BAHD1: variants seen among roughly 807,000 people sequenced by gnomAD.
BAHD1 encodes the protein bromo adjacent homology domain containing 1.
Under a neutral mutation model 63.1 loss-of-function variants are expected in BAHD1, and 20 were observed. The ratio of observed to expected loss-of-function variants is 0.32; its 90% confidence interval spans 0.22 to 0.46. The LOEUF is 0.46. BAHD1 is among the 20% of genes least tolerant of loss of function. The pLI is 1.00. For missense variants in BAHD1, 939 were observed against 1,071.8 expected, an observed-to-expected ratio of 0.88 and a Z score of 1.73; for synonymous variants, 408 against 426.8, an observed-to-expected ratio of 0.96 and a Z score of 0.54.
At position 40,467,069 on chromosome 15, in the gene BAHD1, G is replaced by GCCCTGCCACCCTTT. The variant is rs1894232792; in HGVS notation, c.*944_*957dup. ...CCAAAGGAGTGCTGTGGCTCCCCTT[G>GCCCTGCCACCCTTT]CCCTGCCACCCTTTCCCTAGTCTTT... On this transcript the variant is annotated 3_prime_UTR_variant, in exon 7 of 7. Coordinates refer to ENST00000416165, the MANE Select transcript of BAHD1 (RefSeq NM_014952.5). 6.6e-6 allele frequency: 1 copy of GCCCTGCCACCCTTT among 152,450 alleles called. No individual in the cohort carries two copies. The highest frequency in any genetic ancestry group is 2.4e-5 in the African/African-American group (1 of 41,428). The allele number at this position is 152,450 out of a possible 1,614,324, so 9.4% of individuals were successfully genotyped here.
chr15:40,453,139 A>G (rs1434495967), intron 1 of BAHD1, among the ~76,000 whole-genome samples: 1 of 152,146 alleles, frequency 6.6e-6, no homozygotes, highest in Non-Finnish European at 1.5e-5. Context: ...CACCGCTCCT[A>G]AGGAAGACTC....
chr15:40,465,790 G>C, intron 6 of BAHD1, 151 bp from the exon 7 acceptor site: 1 of 794,612 alleles, frequency 1.3e-6, no homozygotes, highest in South Asian at 1.8e-5. Flanking sequence ...TGGCAGAGCA[G>C]ACATCATCCC....
At chr15:40,462,699 A>T (rs1034082199) in intron 3 of BAHD1, among the ~76,000 whole-genome samples, 9 of 152,162 alleles carry the variant, frequency 5.9e-5, no homozygotes, top group African/African-American at 2.2e-4. Flanking sequence ...AACATCTCGG[A>T]TGATGAAAAG....
chr15:40,444,900 T>C (rs1170825107), intron 1 of BAHD1, among the ~76,000 whole-genome samples: 1 of 152,072 alleles, frequency 6.6e-6, no homozygotes, highest in African/African-American at 2.4e-5. Context: ...AGCATTTCCC[T>C]TCTACGCGGG....
rs1894127563 is a variant in BAHD1 at position 40,463,932 on chromosome 15, G to T, written c.1887G>T (p.Arg629=). ...VERHGETIRV[R]DTVLLKSGPR... is the part of the protein sequence containing the mutation. Reference sequence around the variant, plus strand: ...GGCATGGGGAGACAATCCGAGTCCGGGACACCGTCCTTCTCAAATCAGGCC... The same window carrying T: ...GGCATGGGGAGACAATCCGAGTCCGTGACACCGTCCTTCTCAAATCAGGCC... The change falls in exon 4 of 7, where the codon CGG becomes CGT. Residue 629 remains arginine (R), a synonymous_variant. Transcript: ENST00000416165. The T allele has an allele frequency of 1.2e-6, 2 of 1,614,188 alleles. No homozygotes were observed. The highest frequency in any genetic ancestry group is 1.7e-6 in the Non-Finnish European group (2 of 1,180,034).
rs1205925728 is a variant in BAHD1, at chr15:40,441,205, C to G, written c.-78C>G. ...AGCGCCCCCGGGGGGTTCCAGCCGC[C>G]GGATTCCAGCCCGGCCGGGGCCTGC... On this transcript the variant is annotated 5_prime_UTR_variant, in exon 1 of 7. Coordinates refer to ENST00000416165, the MANE Select transcript of BAHD1 (RefSeq NM_014952.5). The G allele has an allele frequency of 6.6e-6, 1 of 151,378 alleles. No homozygotes were observed. Among genetic ancestry groups the G allele is most frequent in the Non-Finnish European group, 1.5e-5 (1 of 67,922 alleles). The allele number at this position is 151,378 out of a possible 1,614,324, so 9.4% of individuals were successfully genotyped here. A position where few individuals can be genotyped will look rare whatever the true frequency, so the allele number is the denominator to read the frequency against.
intron 1 of BAHD1, among the ~76,000 whole-genome samples, chr15:40,445,539 G>T (rs535394381): frequency 3.9e-5 from 6 of 152,102 alleles, no homozygotes; most frequent in Non-Finnish European, 8.8e-5. Context: ...GCACCCTGTC[G>T]CAAGGTGAGT....
chr15:40,440,866 G>C (rs949332230), upstream of BAHD1, among the ~76,000 whole-genome samples: 3 of 152,168 alleles, frequency 2.0e-5, no homozygotes, highest in African/African-American at 7.2e-5. Flanking sequence ...CGGGGCGGCT[G>C]ATTGGCGGAG....
At position 40,466,748 on chromosome 15, in the gene BAHD1, A is replaced by G. The variant is rs1894221906; in HGVS notation, c.*618A>G. Reference sequence around the variant, plus strand: ...CTGCAGTAGCAACTGGTGCTGGGACAAGTTGACCCACCTCTCACAGTCATG... The same window carrying G: ...CTGCAGTAGCAACTGGTGCTGGGACGAGTTGACCCACCTCTCACAGTCATG... On this transcript the variant is annotated 3_prime_UTR_variant, in exon 7 of 7. Coordinates refer to ENST00000416165, the MANE Select transcript of BAHD1 (RefSeq NM_014952.5). 6.6e-6 allele frequency: 1 copy of G among 152,404 alleles called. No homozygotes were observed. The highest frequency in any genetic ancestry group is 2.4e-5 in the African/African-American group (1 of 41,418). 9.4% of individuals were successfully genotyped at this position (152,404 alleles called of 1,614,324 possible).
chr15:40,462,265 G>A lies in BAHD1; in HGVS notation c.1786G>A (p.Ala596Thr). 6.2e-7 allele frequency: 1 copy of A among 1,609,878 alleles called. No homozygotes were observed. The highest frequency in any genetic ancestry group is 1.7e-4 in the Middle Eastern group (1 of 6,050). The change falls in exon 3 of 7, where the codon GCT becomes ACT. Residue 596 changes from alanine to threonine, a missense_variant. Around this residue, in one of 5 missense-constraint regions of BAHD1, gnomAD observed 35 missense variants for 56.5 expected, o/e 0.62. Transcript: ENST00000416165. ...CACTAATGGCTGGGTACCTGTTGGG[G>A]CTGCGTGTGAGAAGGCTGTGTATGT... Reference protein sequence around the residue: ...RRTNGWVPVGAACEKAVYVLD... With the variant: ...RRTNGWVPVGTACEKAVYVLD...
chr15:40,466,028 A>G lies in BAHD1; in HGVS notation c.2241A>G (p.Pro747=), dbSNP rs751637848. ...LVPPSADYST[P]PHRTVPEDTD... is the part of the protein sequence containing the mutation. ...CCCCCTCTGCAGACTATTCCACCCC[A>G]CCCCACCGCACAGTGCCAGAGGACA... Residue 747 remains proline, a synonymous_variant, in exon 7 of 7, where the codon CCA becomes CCG. Transcript: ENST00000416165. The G allele has an allele frequency of 6.2e-7, 1 of 1,613,806 alleles. No homozygotes were observed. Among genetic ancestry groups the G allele is most frequent in the East Asian group, 2.2e-5 (1 of 44,850 alleles).
chr15:40,454,970 C>G (rs1007195209), intron 1 of BAHD1, among the ~76,000 whole-genome samples: 5 of 152,176 alleles, frequency 3.3e-5, no homozygotes, highest in African/African-American at 1.2e-4. Flanking sequence ...AGCCCCACCC[C>G]AGGGAAAAAG....
intron 1 of BAHD1, among the ~76,000 whole-genome samples, chr15:40,452,432 C>A (rs573997653): frequency 3.9e-5 from 6 of 152,392 alleles, no homozygotes; most frequent in Admixed American, 2.6e-4. Flanking sequence ...TCTAGCCCTG[C>A]CGTTAGCATC....
intron 1 of BAHD1, among the ~76,000 whole-genome samples, chr15:40,445,402 A>G (rs995989857): frequency 6.6e-6 from 1 of 152,118 alleles, no homozygotes; most frequent in Non-Finnish European, 1.5e-5. Flanking sequence ...TTGGAGTTCT[A>G]TGGGGAATTC....
At chr15:40,461,088 C>T (rs1204031190) in intron 2 of BAHD1, among the ~76,000 whole-genome samples, 1 of 152,166 alleles carries the variant, frequency 6.6e-6, no homozygotes, top group Non-Finnish European at 1.5e-5. Flanking sequence ...AATGTTCTCC[C>T]CCACTTTCCT....
chr15:40,463,093 G>A (rs1370667079), intron 3 of BAHD1, among the ~76,000 whole-genome samples: 1 of 152,168 alleles, frequency 6.6e-6, no homozygotes, highest in Non-Finnish European at 1.5e-5. Flanking sequence ...TTTGAGCTCA[G>A]GAGTTCAAGA....
rs1303178050 is a variant in BAHD1, at chr15:40,466,863, T to G, written c.*733T>G. On this transcript the variant is annotated 3_prime_UTR_variant, in exon 7 of 7. Coordinates refer to ENST00000416165, the MANE Select transcript of BAHD1 (RefSeq NM_014952.5). Reference sequence around the variant, plus strand: ...TTCCCAGAAAGTTAACTGATGATTGTGGGGTTTGTCATATCTGGGAGGGAA... The same window carrying G: ...TTCCCAGAAAGTTAACTGATGATTGGGGGGTTTGTCATATCTGGGAGGGAA... 2 of 152,262 alleles carry G rather than the reference T, an allele frequency of 1.3e-5. No individual in the cohort carries two copies. The highest frequency in any genetic ancestry group is 2.9e-5 in the Non-Finnish European group (2 of 68,054). 9.4% of individuals were successfully genotyped at this position (152,262 alleles called of 1,614,324 possible). A position where few individuals can be genotyped will look rare whatever the true frequency, so the allele number is the denominator to read the frequency against.
In BAHD1 at chr15:40,465,111, G is replaced by A. The variant is rs1162880045; in HGVS notation, c.2053-224G>A. Reference sequence around the variant, plus strand: ...TTTGGGAGGTCAGTGACAATCAGGGGCTAGAGCAGATACCTGGCTATTCTG... The same window carrying A: ...TTTGGGAGGTCAGTGACAATCAGGGACTAGAGCAGATACCTGGCTATTCTG... On this transcript the variant is annotated intron_variant, in intron 5 of 6. Coordinates refer to ENST00000416165, the MANE Select transcript of BAHD1 (RefSeq NM_014952.5). The A allele has an allele frequency of 5.3e-6, 3 of 571,210 alleles. No homozygotes were observed. In the African/African-American group the frequency reaches 5.6e-5, roughly 11 times the overall value. The allele number at this position is 571,210 out of a possible 1,614,324, so 35.4% of individuals were successfully genotyped here.
chr15:40,465,194 CA>C (rs1894166461), intron 5 of BAHD1, 140 bp from the exon 6 acceptor site: 20 of 689,304 alleles, frequency 2.9e-5, no homozygotes, highest in Middle Eastern at 2.5e-4. Context: ...GTAGGTGAGG[CA>C]TACTTAGGCT....
Sources: gnomAD v4.1 joint callset for allele counts (sites outside exome capture counted in the v4.1 genomes callset) on GRCh38, gnomAD v4.1.1 for gene constraint, gnomAD v4.1.1 regional missense constraint, MANE v1.5 for transcripts, NCBI Gene and HGNC (gene_info 2026-07-23, HGNC 2026-07-21) for gene names.